The following NBPF12 variants were observed in gnomAD, a reference collection of about 807,000 sequenced individuals.
NBPF12 encodes NBPF family member NBPF12.
NBPF12 carries 115 observed loss-of-function variants against 146.4 expected under a neutral mutation model. The observed-to-expected ratio is 0.79, with a 90% CI of 0.68 to 0.92. NBPF12 has a LOEUF of 0.92. Ranked by LOEUF, NBPF12 falls within the 40% of genes least tolerant of loss-of-function variation. The pLI, the probability that NBPF12 is intolerant of heterozygous loss-of-function variation, is 0.00. For missense variants in NBPF12, 1,205 were observed against 1,326.8 expected, an observed-to-expected ratio of 0.91 and a Z score of 1.43; for synonymous variants, 385 against 508.9, an observed-to-expected ratio of 0.76 and a Z score of 3.28.
chr1:146,960,949 T>C (rs1219118819), intron 4 of NBPF12, among the ~76,000 whole-genome samples: 21 of 152,158 alleles, frequency 1.4e-4, no homozygotes, highest in Middle Eastern at 3.4e-3. Context: ...AGTTTGAGAC[T>C]AGCCTGGGCA....
rs1316842246 is a variant in NBPF12 at position 146,971,825 on chromosome 1, A to C, written c.1591+431A>C. Among the ~76,000 whole-genome samples the C allele has an allele frequency of 1.5e-3, 226 of 150,482 alleles. 7 individuals carry two copies. Among genetic ancestry groups the C allele is most frequent in the African/African-American group, 5.4e-3 (219 of 40,350 alleles). Reference sequence around the variant, plus strand: ...CCAGGCGCGGTGGCTCACACATGTAATCCCAGCACTTTGGGAGGCCGAGGC... The same window carrying C: ...CCAGGCGCGGTGGCTCACACATGTACTCCCAGCACTTTGGGAGGCCGAGGC... On this transcript the variant is annotated intron_variant, in intron 13 of 33. Transcript: ENST00000617844.
Position 146,970,880 on chromosome 1 carries a change from T to C in NBPF12, c.1379+161T>C, listed in dbSNP as rs1250526112. The stretch of plus-strand genomic sequence containing the variant: ...TAGACACAGGGTGTGGCAGCTGTCG[T>C]GTTTCTGTATGTGTGCCAAGTGTCA... On this transcript the variant is annotated intron_variant, in intron 12 of 33. Transcript: ENST00000617844. Among the ~76,000 whole-genome samples, 24 of 151,580 alleles carry C rather than the reference T, an allele frequency of 1.6e-4. No individual in the cohort carries two copies. The East Asian group carries it at 1.9e-3, about 12-fold the overall frequency.
At chr1:146,949,130 A>C (rs1205151673), upstream of NBPF12, among the ~76,000 whole-genome samples, 2,649 of 151,262 alleles carry the variant, frequency 0.018, 20 homozygotes, top group Non-Finnish European at 0.023. Flanking sequence ...CTCAGAGGCC[A>C]GTGCCGGCAT....
exon 34 of NBPF12, chr1:146,994,652 A>T (rs1368467376): frequency 6.3e-7 from 1 of 1,576,990 alleles, no homozygotes; most frequent in African/African-American, 1.4e-5. Flanking sequence ...ATGAAACTAT[A>T]GTTCCATTTG....
At chr1:146,960,236 C>A (rs1399908914) in exon 4 of NBPF12, 5 of 1,335,572 alleles carry the variant, frequency 3.7e-6, no homozygotes, top group African/African-American at 1.5e-5. Flanking sequence ...TGGCAGAGAA[C>A]AAACAGCAGT....
exon 13 of NBPF12, chr1:146,971,328 T>G: frequency 1.2e-6 from 2 of 1,612,112 alleles, no homozygotes; most frequent in African/African-American, 1.4e-5. Flanking sequence ...CAAAGTCAAC[T>G]CATCTCTGGT....
chr1:146,965,646 G>C (rs1182576943), intron 8 of NBPF12, among the ~76,000 whole-genome samples: 1 of 145,942 alleles, frequency 6.9e-6, no homozygotes, highest in Non-Finnish European at 1.5e-5. Flanking sequence ...AAAAAAATTA[G>C]CTGGGCGCGG....
rs1657183647 is a variant in NBPF12 at position 146,978,373 on chromosome 1, T to G, written c.2399-586T>G. 8.9e-5 allele frequency among the ~76,000 whole-genome samples: 13 copies of G among 145,534 alleles called. No individual in the cohort carries two copies. The South Asian group carries it at 3.0e-3, about 34-fold the overall frequency. The stretch of plus-strand genomic sequence containing the variant: ...TCTGCCTCCCAGATTCAAGTGATTC[T>G]CCTGCCTCAGCCTCCTGAGTTGCTG... On this transcript the variant is annotated intron_variant, in intron 18 of 33. Transcript: ENST00000617844.
At chr1:146,966,470 G>A in exon 9 of NBPF12, 26 of 1,376,746 alleles carry the variant, frequency 1.9e-5, no homozygotes, top group Non-Finnish European at 2.6e-5. Flanking sequence ...CCAGTCCCTG[G>A]CCCCACCTCT....
upstream of NBPF12, among the ~76,000 whole-genome samples, chr1:146,938,551 C>G (rs1348010492): frequency 6.6e-6 from 1 of 152,104 alleles, no homozygotes; most frequent in Admixed American, 6.5e-5. Flanking sequence ...CTCCATTACT[C>G]GTTTTCTCCG....
chr1:146,971,006 G>A (rs1656575229), intron 12 of NBPF12, among the ~76,000 whole-genome samples, 177 bp from the exon 16 acceptor site: 1 of 151,340 alleles, frequency 6.6e-6, no homozygotes, highest in Non-Finnish European at 1.5e-5. Context: ...GGCTCCCATG[G>A]CAGCCATGCT....
intron 2 of NBPF12, among the ~76,000 whole-genome samples, chr1:146,958,067 C>T (rs1367993376): frequency 8.5e-6 from 1 of 118,306 alleles, no homozygotes; most frequent in African/African-American, 3.0e-5. Context: ...ACACGTGTGC[C>T]ATGTTGGTTT....
intron 1 of NBPF12, 96 bp from the exon 5 acceptor site, chr1:146,951,252 G>A (rs1655313263): frequency 1.5e-6 from 1 of 688,482 alleles, no homozygotes; most frequent in Middle Eastern, 3.8e-4. Flanking sequence ...CAAGTGAACA[G>A]GGCATGGGGG....
At chr1:146,973,289 C>T (rs1656773679) in intron 14 of NBPF12, among the ~76,000 whole-genome samples, 1 of 151,510 alleles carries the variant, frequency 6.6e-6, no homozygotes, top group Non-Finnish European at 1.5e-5. Flanking sequence ...ATCCTGCAGA[C>T]AAATAACATC....
At chr1:146,994,217 T>C (rs1553889946) in intron 33 of NBPF12, 115 bp from the exon 37 acceptor site, 1 of 1,602,892 alleles carries the variant, frequency 6.2e-7, no homozygotes, top group Non-Finnish European at 8.5e-7. Flanking sequence ...ACCTCATTAA[T>C]GGATCTGTCC....
Position 146,984,604 on chromosome 1 carries a change from T to C in NBPF12, c.2667-209T>C, listed in dbSNP as rs1265219669. Among the ~76,000 whole-genome samples the C allele has an allele frequency of 3.3e-4, 49 of 146,540 alleles. 1 individual carries two copies. The South Asian group carries it at 8.6e-3, about 26-fold the overall frequency. On this transcript the variant is annotated intron_variant, in intron 21 of 33. Coordinates refer to ENST00000617844, the Ensembl canonical transcript of NBPF12. ...GTGTGTGTGTGTGTGTGTGTGTGTG[T>C]GTGTGTGTGTGTGTGTGTGTCTTTC...
intron 8 of NBPF12, 29 bp from the exon 12 acceptor site, chr1:146,966,435 C>A: frequency 3.8e-6 from 5 of 1,328,700 alleles, no homozygotes; most frequent in Non-Finnish European, 4.3e-6. Flanking sequence ...GTTTTTAACC[C>A]ATCATGTGTT....
Position 146,986,685 on chromosome 1 carries a change from A to C in NBPF12, c.3064+161A>C, listed in dbSNP as rs1657789279. Among the ~76,000 whole-genome samples the C allele has an allele frequency of 2.8e-5, 4 of 142,744 alleles. No homozygotes were observed. The Admixed American group carries it at 2.8e-4, about 10-fold the overall frequency. 93.6% of individuals were successfully genotyped at this position (142,744 alleles called of 152,430 possible). On this transcript the variant is annotated intron_variant, in intron 24 of 33. Transcript: ENST00000617844. ...TAATGAAACTGTAGTCTCAGCTGGAAGCCTAGACATGAAATGGGTCAGTGA... is the reference window on the plus strand; with the variant it reads ...TAATGAAACTGTAGTCTCAGCTGGACGCCTAGACATGAAATGGGTCAGTGA...
intron 19 of NBPF12, among the ~76,000 whole-genome samples, chr1:146,981,284 A>T (rs1487030588): frequency 1.0e-4 from 8 of 79,098 alleles, no homozygotes; most frequent in East Asian, 9.5e-4. Flanking sequence ...TATTAAAAAA[A>T]AAAAAAAAAA....
Sources: allele counts gnomAD v4.1 joint callset (sites outside exome capture counted in the v4.1 genomes callset), GRCh38; gene constraint gnomAD v4.1.1; transcripts MANE v1.5; gene names NCBI Gene and HGNC (gene_info 2026-07-23, HGNC 2026-07-21).